RTN1: variants seen among roughly 807,000 people sequenced by gnomAD.
RTN1 encodes reticulon 1, also known as reticulon-1.
RTN1 carries 25 observed loss-of-function variants against 65.5 expected under a neutral mutation model. That is an observed-to-expected ratio of 0.38 (90% CI 0.28 to 0.53). RTN1 has a LOEUF of 0.53. Among genes scored for constraint, RTN1 ranks in the 20% least tolerant of loss-of-function variants. The pLI is 0.79. For synonymous variants in RTN1, 471 were observed against 447.6 expected (o/e 1.05, Z -0.66); for missense variants, 983 against 1,025.4 (o/e 0.96, Z 0.57).
rs190053286 is a variant in RTN1, at chr14:59,837,915, T to C, written c.241+32475A>G. Among the ~76,000 whole-genome samples, 21 of 152,154 alleles carry C rather than the reference T, an allele frequency of 1.4e-4. No individual in the cohort carries two copies. The East Asian group carries it at 4.1e-3, about 29-fold the overall frequency. ...TTTTTGCTGGTGGATGGTCTTGCCT[T>C]GATTTGGGGGGTTTGGGGTCTTTTT... On this transcript the variant is annotated intron_variant, in intron 1 of 8. Transcript: ENST00000267484.
Position 59,630,756 on chromosome 14 carries a change from G to A in RTN1, c.1766-23264C>T, listed in dbSNP as rs915142843. ...CATGGGGATGCGGGCGCCGCTCCAC[G>A]CGACAGCGTTGGCTGGGCTGCCCAA... On this transcript the variant is annotated intron_variant, in intron 3 of 8. Transcript: ENST00000267484. 3 of 1,082,242 alleles carry A rather than the reference G, an allele frequency of 2.8e-6. No individual in the cohort carries two copies. In the African/African-American group the frequency reaches 5.0e-5, roughly 18 times the overall value. 67.0% of individuals were successfully genotyped at this position (1,082,242 alleles called of 1,614,324 possible).
At chr14:59,717,094 G>C (rs1314854222) in intron 3 of RTN1, among the ~76,000 whole-genome samples, 1 of 152,098 alleles carries the variant, frequency 6.6e-6, no homozygotes, top group Non-Finnish European at 1.5e-5. Flanking sequence ...GCATCTTTCT[G>C]CTTTACTTGA....
chr14:59,719,700 A>T (rs1007229012), intron 3 of RTN1, among the ~76,000 whole-genome samples: 1 of 152,216 alleles, frequency 6.6e-6, no homozygotes, highest in East Asian at 1.9e-4. Flanking sequence ...AAGTGCAGAA[A>T]CTATGTCTAT....
At chr14:59,741,062 C>T (rs990428267) in intron 2 of RTN1, among the ~76,000 whole-genome samples, 5 of 152,174 alleles carry the variant, frequency 3.3e-5, no homozygotes, top group Non-Finnish European at 4.4e-5. Context: ...CTGTGAATGA[C>T]GCTGCTATTA....
chr14:59,744,387 G>A (rs1469714957), intron 2 of RTN1, among the ~76,000 whole-genome samples: 1 of 152,176 alleles, frequency 6.6e-6, no homozygotes, highest in Non-Finnish European at 1.5e-5. Context: ...AAAGGCTGGA[G>A]AGAAGAGAGT....
In RTN1 at chr14:59,727,175, G is replaced by A. The variant is rs1884785296; in HGVS notation, c.1509C>T (p.Gly503=). ...SALDAIREET[G]VRAEERAPSR... is the part of the protein sequence containing the mutation. Reference sequence around the variant, plus strand: ...TTGGCGCACGCTCCTCGGCCCGGACGCCAGTCTCCTCCCGGATGGCATCCA... The same window carrying A: ...TTGGCGCACGCTCCTCGGCCCGGACACCAGTCTCCTCCCGGATGGCATCCA... The change falls in exon 3 of 9, where the codon GGC becomes GGT. Residue 503 remains glycine, a synonymous_variant. Coordinates refer to ENST00000267484, the MANE Select transcript of RTN1 (RefSeq NM_021136.3). The surrounding 1 kb of genome is among the most constrained non-coding windows in gnomAD (Gnocchi z 4.2). The A allele has an allele frequency of 1.9e-6, 3 of 1,589,658 alleles. No homozygotes were observed. Among genetic ancestry groups the A allele is most frequent in the Non-Finnish European group, 1.7e-6 (2 of 1,168,134 alleles).
intron 5 of RTN1, chr14:59,604,860 C>G (rs1200448345): frequency 1.3e-5 from 2 of 152,236 alleles, no homozygotes; most frequent in African/African-American, 2.4e-5. Flanking sequence ...GCCCCAGGTG[C>G]CCCTGATCCT....
Position 59,745,778 on chromosome 14 carries a change from G to A in RTN1, c.945C>T (p.Val315=). 6.2e-7 allele frequency: 1 copy of A among 1,614,004 alleles called. No individual in the cohort carries two copies. The highest frequency in any genetic ancestry group is 1.1e-5 in the South Asian group (1 of 91,056). The stretch of plus-strand genomic sequence containing the variant: ...CAGGCTCCGAGACAGTGACAGTGGG[G>A]ACTGTGTCAGGACTTGGCTTTAGAC... The part of the protein sequence containing the change: ...DICLKPSPDT[V]PTVTVSEPED... Residue 315 remains valine, a synonymous_variant, in exon 2 of 9, where the codon GTC becomes GTT. Coordinates refer to ENST00000267484, the MANE Select transcript of RTN1 (RefSeq NM_021136.3).
At chr14:59,673,266 G>C (rs939655499) in intron 3 of RTN1, among the ~76,000 whole-genome samples, 1 of 152,160 alleles carries the variant, frequency 6.6e-6, no homozygotes, top group Non-Finnish European at 1.5e-5. Flanking sequence ...TGTTCCGTGA[G>C]TGGGAGGGAG....
rs138745698 is a variant in RTN1, at chr14:59,816,234, G to GAC, written c.241+54154_241+54155dup. Among the ~76,000 whole-genome samples, 2 of 150,948 alleles carry GAC rather than the reference G, an allele frequency of 1.3e-5. No individual in the cohort carries two copies. The highest frequency in any genetic ancestry group is 2.9e-5 in the Non-Finnish European group (2 of 67,814). On this transcript the variant is annotated intron_variant, in intron 1 of 8. Transcript: ENST00000267484. This position sits in a 1 kb window ranked among gnomAD's most constrained non-coding sequence, Gnocchi z 4.3. Reference sequence around the variant, plus strand: ...AAGCTTGCGTGCGTGCACACACACAGACACACACACACACTAGTTACTCAG... The same window carrying GAC: ...AAGCTTGCGTGCGTGCACACACACAGACACACACACACACACTAGTTACTCAG...
At chr14:59,828,317 T>C (rs1404068290) in intron 1 of RTN1, among the ~76,000 whole-genome samples, 1 of 152,196 alleles carries the variant, frequency 6.6e-6, no homozygotes, top group African/African-American at 2.4e-5. Context: ...ATCATTAGAA[T>C]GGAGAGAGGA....
intron 3 of RTN1, among the ~76,000 whole-genome samples, chr14:59,713,693 T>C (rs1466884426): frequency 2.0e-5 from 3 of 152,214 alleles, no homozygotes; most frequent in African/African-American, 7.2e-5. Flanking sequence ...TTTTCCTAGG[T>C]GTCTCCTAGC....
intron 1 of RTN1, among the ~76,000 whole-genome samples, chr14:59,869,606 G>A (rs115505099): frequency 0.098 from 14,372 of 146,358 alleles, 870 homozygotes; most frequent in South Asian, 0.24. Flanking sequence ...TTAGACTGCT[G>A]GTAAACTGTA....
At chr14:59,857,687 G>A (rs1368219193) in intron 1 of RTN1, among the ~76,000 whole-genome samples, 2 of 152,152 alleles carry the variant, frequency 1.3e-5, no homozygotes, top group Non-Finnish European at 2.9e-5. Context: ...AAAACTCGCA[G>A]GTTTTAGAAT....
chr14:59,690,305 G>A (rs186058649), intron 3 of RTN1, among the ~76,000 whole-genome samples: 3 of 137,660 alleles, frequency 2.2e-5, no homozygotes, highest in Admixed American at 6.9e-5. Flanking sequence ...GAGCGGAGGT[G>A]GGGGGGGGTC....
At chr14:59,672,742 G>A (rs369141429) in intron 3 of RTN1, among the ~76,000 whole-genome samples, 6 of 140,336 alleles carry the variant, frequency 4.3e-5, no homozygotes, top group East Asian at 2.3e-4. Flanking sequence ...CCGGGTTCAC[G>A]CCATTCTCCT....
chr14:59,664,506 A>C (rs976600342), intron 3 of RTN1, among the ~76,000 whole-genome samples: 2 of 152,176 alleles, frequency 1.3e-5, no homozygotes, highest in African/African-American at 4.8e-5. Context: ...ATAAAATTAA[A>C]TGCATCTGAG....
intron 4 of RTN1, among the ~76,000 whole-genome samples, chr14:59,606,471 AGAG>A (rs1881758050): frequency 6.6e-6 from 1 of 152,052 alleles, no homozygotes; most frequent in African/African-American, 2.4e-5. Context: ...CCCTTAGAAA[AGAG>A]GCCCAAGGGA....
At chr14:59,831,682 AT>A (rs1266842889) in intron 1 of RTN1, among the ~76,000 whole-genome samples, 23 of 152,228 alleles carry the variant, frequency 1.5e-4, no homozygotes, top group African/African-American at 5.1e-4. Flanking sequence ...TCTCTTTTTC[AT>A]TCTATCTATT....
Sources: gnomAD v4.1 joint callset for allele counts (sites outside exome capture counted in the v4.1 genomes callset) on GRCh38, gnomAD v4.1.1 for gene constraint, Gnocchi (gnomAD v3.1) non-coding constraint, MANE v1.5 for transcripts, NCBI Gene and HGNC (gene_info 2026-07-23, HGNC 2026-07-21) for gene names.